Variants in SDC1 observed in about 807,000 individuals in gnomAD.
SDC1 encodes the protein syndecan 1.
A neutral mutation model predicts 29.7 loss-of-function variants in SDC1; 14 were observed. The ratio of observed to expected loss-of-function variants is 0.47; its 90% confidence interval spans 0.31 to 0.74. SDC1 has a LOEUF of 0.74. Among genes scored for constraint, SDC1 ranks in the 30% least tolerant of loss-of-function variants. The pLI is 0.05. For synonymous variants in SDC1, 204 were observed against 175.5 expected (o/e 1.16, Z -1.29); for missense variants, 406 against 400.3 (o/e 1.01, Z -0.12).
rs1677033052 is a variant in SDC1 at position 20,202,211 on chromosome 2, A to T, written c.*555T>A. On this transcript the variant is annotated 3_prime_UTR_variant, in exon 5 of 5. Coordinates refer to ENST00000254351, the MANE Select transcript of SDC1 (RefSeq NM_002997.5). ...TACTTAACTTACCTCAGAAGTAACAAGGTCTACTGGGCTATGAACAAAGAA... is the reference window on the plus strand; with the variant it reads ...TACTTAACTTACCTCAGAAGTAACATGGTCTACTGGGCTATGAACAAAGAA... 1 of 752,524 alleles carries T rather than the reference A, an allele frequency of 1.3e-6. No individual in the cohort carries two copies. Among genetic ancestry groups the T allele is most frequent in the Non-Finnish European group, 2.5e-6 (1 of 406,630 alleles). 46.6% of individuals were successfully genotyped at this position (752,524 alleles called of 1,614,324 possible).
chr2:20,224,701 G>C lies in SDC1; in HGVS notation c.66+101C>G. 8.4e-7 allele frequency: 1 copy of C among 1,193,760 alleles called. No homozygotes were observed. The highest frequency in any genetic ancestry group is 1.0e-6 in the Non-Finnish European group (1 of 957,436). 73.9% of individuals were successfully genotyped at this position (1,193,760 alleles called of 1,614,324 possible). A position where few individuals can be genotyped will look rare whatever the true frequency, so the allele number is the denominator to read the frequency against. ...CTGGGCTAGCGCGGGAAGAAGGGAA[G>C]TCTTCGCTCCCCCTCCCCCTCCACG... is the stretch of plus-strand genomic sequence containing the variant. On this transcript the variant is annotated intron_variant, in intron 1 of 4. Transcript: ENST00000254351. The surrounding 1 kb of genome is among the most constrained non-coding windows in gnomAD (Gnocchi z 4.9).
intron 1 of SDC1, among the ~76,000 whole-genome samples, chr2:20,220,654 A>C (rs1677787927): frequency 6.6e-6 from 1 of 152,240 alleles, no homozygotes; most frequent in Non-Finnish European, 1.5e-5. Context: ...CAGAATGAGG[A>C]CAGGGAGAAC....
Position 20,204,208 on chromosome 2 carries a change from G to T in SDC1, c.232C>A (p.Pro78Thr), listed in dbSNP as rs1677163078. The change falls in exon 3 of 5, where the codon CCA becomes ACA. Residue 78 changes from proline to threonine, a missense_variant. Physicochemically the swap from Pro to Thr is conservative, Grantham distance 38 (BLOSUM62 -1). Coordinates refer to ENST00000254351, the MANE Select transcript of SDC1 (RefSeq NM_002997.5). Reference sequence around the variant, plus strand: ...GTAGCCTCCAGGCCGGTGGGTTCTGGAGACGTGGGAATAGCCGTCAGGAGC... The same window carrying T: ...GTAGCCTCCAGGCCGGTGGGTTCTGTAGACGTGGGAATAGCCGTCAGGAGC... ...TQLLTAIPTS[P>T]EPTGLEATAA... 6.3e-7 allele frequency: 1 copy of T among 1,599,268 alleles called. No individual in the cohort carries two copies. Among genetic ancestry groups the T allele is most frequent in the Non-Finnish European group, 8.5e-7 (1 of 1,179,780 alleles).
intron 1 of SDC1, among the ~76,000 whole-genome samples, chr2:20,221,159 G>A (rs971489601): frequency 6.6e-6 from 1 of 152,110 alleles, no homozygotes; most frequent in Non-Finnish European, 1.5e-5. Flanking sequence ...GTTCATGAAG[G>A]GTACAAAATC....
chr2:20,214,271 C>T (rs1677566106), intron 1 of SDC1, among the ~76,000 whole-genome samples: 1 of 152,220 alleles, frequency 6.6e-6, no homozygotes, highest in South Asian at 2.1e-4. Context: ...ATGGGCTAGC[C>T]TGGGAACCTG....
chr2:20,208,830 GTA>G (rs1677369799), intron 1 of SDC1, among the ~76,000 whole-genome samples: 1 of 152,206 alleles, frequency 6.6e-6, no homozygotes, highest in Non-Finnish European at 1.5e-5. Flanking sequence ...TTTAACCTCT[GTA>G]AGTCCCAGGA....
At chr2:20,216,520 C>T (rs1418886276) in intron 1 of SDC1, among the ~76,000 whole-genome samples, 2 of 152,214 alleles carry the variant, frequency 1.3e-5, no homozygotes, top group East Asian at 1.9e-4. Flanking sequence ...CCATCATATT[C>T]GCCTGGAACA....
In SDC1 at chr2:20,225,107, C is replaced by A; in HGVS notation, c.-240G>T. 1 of 358,866 alleles carries A rather than the reference C, an allele frequency of 2.8e-6. No individual in the cohort carries two copies. The highest frequency in any genetic ancestry group is 8.6e-4 in the Middle Eastern group (1 of 1,164). 22.2% of individuals were successfully genotyped at this position (358,866 alleles called of 1,614,324 possible). A position where few individuals can be genotyped will look rare whatever the true frequency, so the allele number is the denominator to read the frequency against. On this transcript the variant is annotated 5_prime_UTR_variant, in exon 1 of 5. Transcript: ENST00000254351. ...TCCGCCTTATAATAAACCCACAGGC[C>A]CTTCCTTAGCCGTTGCAAAAACTGG...
intron 1 of SDC1, among the ~76,000 whole-genome samples, chr2:20,217,592 G>A (rs925594391): frequency 1.3e-5 from 2 of 152,192 alleles, no homozygotes; most frequent in Admixed American, 6.5e-5. Flanking sequence ...CGAGAGAGAG[G>A]AGGCAGGGCC....
At position 20,202,733 on chromosome 2, in the gene SDC1, G is replaced by T; in HGVS notation, c.*33C>A. On this transcript the variant is annotated 3_prime_UTR_variant, in exon 5 of 5. Coordinates refer to ENST00000254351, the MANE Select transcript of SDC1 (RefSeq NM_002997.5). ...GAAGAGGCAAGTGGGGGCCTAGTGAGTGGCAGGGCGGAGGGGGCGCATGGC... is the reference window on the plus strand; with the variant it reads ...GAAGAGGCAAGTGGGGGCCTAGTGATTGGCAGGGCGGAGGGGGCGCATGGC... The T allele has an allele frequency of 6.4e-7, 1 of 1,556,506 alleles. No homozygotes were observed. The highest frequency in any genetic ancestry group is 8.7e-7 in the Non-Finnish European group (1 of 1,149,360).
chr2:20,224,773 C>T lies in SDC1; in HGVS notation c.66+29G>A, dbSNP rs879206969. ...GTGACCAGTCCCGGCTTCCCGCCGC[C>T]TCCCCGCCTGGCCGCCGGCCGCACT... is the stretch of plus-strand genomic sequence containing the variant. On this transcript the variant is annotated intron_variant, in intron 1 of 4. Transcript: ENST00000254351. This position sits in a 1 kb window ranked among gnomAD's most constrained non-coding sequence, Gnocchi z 4.9. 3.1e-6 allele frequency: 4 copies of T among 1,304,724 alleles called. No homozygotes were observed. The South Asian group carries it at 8.5e-5, about 28-fold the overall frequency. The allele number at this position is 1,304,724 out of a possible 1,614,324, so 80.8% of individuals were successfully genotyped here. A position where few individuals can be genotyped will look rare whatever the true frequency, so the allele number is the denominator to read the frequency against.
At chr2:20,212,387 A>G (rs775632587) in intron 1 of SDC1, among the ~76,000 whole-genome samples, 3 of 152,254 alleles carry the variant, frequency 2.0e-5, no homozygotes, top group Non-Finnish European at 4.4e-5. Context: ...GCCACAGGCC[A>G]GGAGACACTG....
chr2:20,213,629 C>A (rs151266520), intron 1 of SDC1, among the ~76,000 whole-genome samples: 123 of 152,314 alleles, frequency 8.1e-4, no homozygotes, highest in African/African-American at 2.8e-3. Context: ...CCTGTCTGCC[C>A]TAAAGAGCCC....
At chr2:20,204,672 C>T (rs1677193573) in intron 2 of SDC1, among the ~76,000 whole-genome samples, 1 of 152,140 alleles carries the variant, frequency 6.6e-6, no homozygotes, top group Admixed American at 6.5e-5. Context: ...AAAAAGGCCC[C>T]CACTTCCAAC....
At position 20,215,261 on chromosome 2, in the gene SDC1, C is replaced by G. The variant is rs376801464; in HGVS notation, c.66+9541G>C. ...AGGGGTCCTGCCCAGCAGGCCTGAG[C>G]CCCTGCCAGGGTGCCCCAATGTCTG... On this transcript the variant is annotated intron_variant, in intron 1 of 4. Coordinates refer to ENST00000254351, the MANE Select transcript of SDC1 (RefSeq NM_002997.5). 2.6e-4 allele frequency among the ~76,000 whole-genome samples: 40 copies of G among 152,352 alleles called. No homozygotes were observed. In the South Asian group the frequency reaches 8.1e-3, roughly 31 times the overall value.
chr2:20,208,783 T>C (rs921082510), intron 1 of SDC1, among the ~76,000 whole-genome samples: 2 of 152,184 alleles, frequency 1.3e-5, no homozygotes, highest in African/African-American at 4.8e-5. Flanking sequence ...GGAGACTACC[T>C]AATGCCCTGC....
chr2:20,205,371 G>A lies in SDC1; in HGVS notation c.120C>T (p.Asp40=), dbSNP rs1463474261. ...PPEDQDGSGD[D]SDNFSGSGAG... ...CACCTGAGCCGGAGAAGTTGTCAGA[G>A]TCATCCCCAGAGCCATCTTGATCTT... The change falls in exon 2 of 5, where the codon GAC becomes GAT. Residue 40 remains aspartate, a synonymous_variant. Transcript: ENST00000254351. The A allele has an allele frequency of 1.9e-6, 3 of 1,613,980 alleles. No individual in the cohort carries two copies. Among genetic ancestry groups the A allele is most frequent in the African/African-American group, 2.7e-5 (2 of 74,942 alleles).
intron 1 of SDC1, among the ~76,000 whole-genome samples, chr2:20,220,723 C>T (rs1572474138): frequency 6.6e-6 from 1 of 152,210 alleles, no homozygotes; most frequent in South Asian, 2.1e-4. Context: ...GAAAGTGACT[C>T]ACCCCAGATT....
At chr2:20,210,216 C>T (rs1374638087) in intron 1 of SDC1, among the ~76,000 whole-genome samples, 4 of 152,186 alleles carry the variant, frequency 2.6e-5, no homozygotes, top group African/African-American at 4.8e-5. Context: ...CGGTGTGCAC[C>T]TGTACTCCCA....
Sources: gnomAD v4.1 joint callset for allele counts (sites outside exome capture counted in the v4.1 genomes callset) on GRCh38, gnomAD v4.1.1 for gene constraint, Gnocchi (gnomAD v3.1) non-coding constraint, MANE v1.5 for transcripts, NCBI Gene and HGNC (gene_info 2026-07-23, HGNC 2026-07-21) for gene names.